The following RAB5A variants were observed in gnomAD, a reference collection of about 807,000 sequenced individuals.
RAB5A encodes the protein ras-related protein Rab-5A.
A neutral mutation model predicts 25.7 loss-of-function variants in RAB5A; 8 were observed. The ratio of observed to expected loss-of-function variants is 0.31; its 90% CI spans 0.18 to 0.56. The LOEUF is 0.56. Among genes scored for constraint, RAB5A ranks in the 20% least tolerant of loss-of-function variants. The pLI, the probability that RAB5A is intolerant of heterozygous loss-of-function variation, is 0.91. For synonymous variants in RAB5A, 98 were observed against 89.8 expected, an observed-to-expected ratio of 1.09 and a Z score of -0.52; for missense variants, 192 against 259.7, an observed-to-expected ratio of 0.74 and a Z score of 1.79.
chr3:19,964,373 C>G (rs1575071438), intron 2 of RAB5A, among the ~76,000 whole-genome samples: 2 of 97,478 alleles, frequency 2.1e-5, no homozygotes, highest in Admixed American at 9.0e-5. Flanking sequence ...AACTCGTACC[C>G]TGTCATTTTT....
In RAB5A at chr3:19,975,490, A is replaced by G. The variant is rs1219106690; in HGVS notation, c.164-111A>G. On this transcript the variant is annotated intron_variant, in intron 2 of 5. Coordinates refer to ENST00000273047, the MANE Select transcript of RAB5A (RefSeq NM_004162.5). The stretch of plus-strand genomic sequence containing the variant: ...TAACTGACACATAATAGTTGTACAT[A>G]CTTACGGGGTACAGTGTGACATTTT... 5.0e-6 allele frequency: 5 copies of G among 1,005,388 alleles called. No individual in the cohort carries two copies. The South Asian group carries it at 9.6e-5, about 19-fold the overall frequency. 62.3% of individuals were successfully genotyped at this position (1,005,388 alleles called of 1,614,324 possible).
Position 19,975,669 on chromosome 3 carries a change from G to A in RAB5A, c.232G>A (p.Gly78Ser). ...AAAGTTTGAAATATGGGATACAGCT[G>A]GTCAAGAACGATACCATAGCCTAGC... ...TVKFEIWDTA[G>S]QERYHSLAPM... Residue 78 changes from glycine to serine, a missense_variant, in exon 3 of 6, where the codon GGT (glycine) becomes AGT (serine). By Grantham distance (56) the Gly-to-Ser change is moderately conservative (BLOSUM62 0). This residue lies in a region of RAB5A where 39 missense variants were observed against 91.6 expected (regional missense o/e 0.43). Coordinates refer to ENST00000273047, the MANE Select transcript of RAB5A (RefSeq NM_004162.5). 1 of 1,613,696 alleles carries A rather than the reference G, an allele frequency of 6.2e-7. No individual in the cohort carries two copies. The highest frequency in any genetic ancestry group is 8.5e-7 in the Non-Finnish European group (1 of 1,179,730).
chr3:19,962,564 A>T (rs1309687154), intron 2 of RAB5A, among the ~76,000 whole-genome samples: 1 of 151,932 alleles, frequency 6.6e-6, no homozygotes, highest in African/African-American at 2.4e-5. Context: ...GCGAGAGTCC[A>T]TCTCAAAAAA....
intron 2 of RAB5A, among the ~76,000 whole-genome samples, chr3:19,959,741 C>G (rs1293054004): frequency 5.9e-5 from 9 of 151,578 alleles, no homozygotes; most frequent in Admixed American, 5.9e-4. Context: ...GTCGTCTCAC[C>G]TCAGCCTCCC....
chr3:19,979,538 G>C (rs1038850353), intron 5 of RAB5A, among the ~76,000 whole-genome samples: 2 of 152,036 alleles, frequency 1.3e-5, no homozygotes, highest in African/African-American at 4.8e-5. Flanking sequence ...GCCCACGTCA[G>C]CCTCCCAAAG....
intron 2 of RAB5A, among the ~76,000 whole-genome samples, chr3:19,957,730 C>CA (rs61222002): frequency 6.8e-4 from 90 of 132,388 alleles, no homozygotes; most frequent in Middle Eastern, 4.1e-3. Flanking sequence ...GACTCTGTCT[C>CA]AAAAAAAAAA....
intron 1 of RAB5A, 24 bp downstream of exon 1, chr3:19,947,545 G>T (rs900851111): frequency 1.7e-4 from 26 of 152,398 alleles, no homozygotes; most frequent in African/African-American, 6.0e-4. Context: ...CCCTCCTCCT[G>T]CGCAGCGGGG....
intron 2 of RAB5A, among the ~76,000 whole-genome samples, chr3:19,969,389 T>C (rs1258392515): frequency 2.6e-5 from 4 of 152,210 alleles, no homozygotes; most frequent in African/African-American, 9.6e-5. Flanking sequence ...AAAAATTGTT[T>C]TGACTATGTG....
chr3:19,963,255 A>T (rs1696613539), intron 2 of RAB5A, among the ~76,000 whole-genome samples: 1 of 151,532 alleles, frequency 6.6e-6, no homozygotes, highest in Non-Finnish European at 1.5e-5. Flanking sequence ...AGTATCTGGC[A>T]ATCTTCTCTT....
intron 4 of RAB5A, among the ~76,000 whole-genome samples, chr3:19,976,514 T>G (rs889150695): frequency 6.6e-6 from 1 of 152,112 alleles, no homozygotes; most frequent in African/African-American, 2.4e-5. Context: ...GGAGAAACCC[T>G]GTCTCTACTA....
chr3:19,956,260 C>T (rs1363846119), intron 2 of RAB5A, among the ~76,000 whole-genome samples: 1 of 152,126 alleles, frequency 6.6e-6, no homozygotes, highest in Non-Finnish European at 1.5e-5. Context: ...ATCACGAGGT[C>T]AGGAGTTCGA....
intron 1 of RAB5A, chr3:19,947,863 G>C (rs1696348904): frequency 1.3e-5 from 2 of 152,876 alleles, no homozygotes; most frequent in Non-Finnish European, 2.9e-5. Context: ...GTCAAAGCAA[G>C]GCAGGTTCGG....
At chr3:19,961,974 TG>T (rs1696592080) in intron 2 of RAB5A, among the ~76,000 whole-genome samples, 1 of 152,192 alleles carries the variant, frequency 6.6e-6, no homozygotes, top group Admixed American at 6.5e-5. Flanking sequence ...TTCTGGTGAG[TG>T]GGCTTAGTAG....
chr3:19,971,042 CA>C (rs1559490698), intron 2 of RAB5A, among the ~76,000 whole-genome samples: 1 of 151,852 alleles, frequency 6.6e-6, no homozygotes, highest in Non-Finnish European at 1.5e-5. Flanking sequence ...ACTAAAAATA[CA>C]AAAATTAGCC....
intron 2 of RAB5A, 181 bp downstream of exon 2, chr3:19,951,242 A>G (rs1696417872): frequency 1.6e-6 from 1 of 606,578 alleles, no homozygotes; most frequent in African/African-American, 1.8e-5. Flanking sequence ...GTGTTTTTAT[A>G]TTTGATTGTT....
chr3:19,964,361 A>G lies in RAB5A; in HGVS notation c.164-11240A>G, dbSNP rs533823507. On this transcript the variant is annotated intron_variant, in intron 2 of 5. Coordinates refer to ENST00000273047, the MANE Select transcript of RAB5A (RefSeq NM_004162.5). ...GGTAGCCTTTATCTGATTCTAGTTAATAACTCGTACCCTGTCATTTTTTTA... is the reference window on the plus strand; with the variant it reads ...GGTAGCCTTTATCTGATTCTAGTTAGTAACTCGTACCCTGTCATTTTTTTA... Among the ~76,000 whole-genome samples the G allele has an allele frequency of 7.4e-4, 107 of 145,096 alleles. 1 individual carries two copies. The highest frequency in any genetic ancestry group is 3.5e-3 in the Middle Eastern group (1 of 286).
At chr3:19,948,661 C>A (rs961907345) in intron 1 of RAB5A, among the ~76,000 whole-genome samples, 1 of 151,870 alleles carries the variant, frequency 6.6e-6, no homozygotes, top group Admixed American at 6.6e-5. Flanking sequence ...TTAGTTATTT[C>A]CTGTTTGAGA....
At chr3:19,950,523 G>A (rs1197861410) in intron 1 of RAB5A, among the ~76,000 whole-genome samples, 2 of 152,086 alleles carry the variant, frequency 1.3e-5, no homozygotes, top group Non-Finnish European at 2.9e-5. Flanking sequence ...CATTTATAAG[G>A]ATTGTAATAA....
At chr3:19,959,969 G>T (rs1432441619) in intron 2 of RAB5A, among the ~76,000 whole-genome samples, 2 of 152,150 alleles carry the variant, frequency 1.3e-5, no homozygotes, top group East Asian at 3.9e-4. Flanking sequence ...TCTTTTTGGA[G>T]ACACACTCAG....
Sources: gnomAD v4.1 joint callset for allele counts (sites outside exome capture counted in the v4.1 genomes callset) on GRCh38, gnomAD v4.1.1 for gene constraint, gnomAD v4.1.1 regional missense constraint, MANE v1.5 for transcripts, NCBI Gene and HGNC (gene_info 2026-07-23, HGNC 2026-07-21) for gene names.